Variants in RBFOX2 observed in about 807,000 individuals in gnomAD.
RBFOX2 encodes RNA binding fox-1 homolog 2.
A neutral mutation model predicts 49.1 loss-of-function variants in RBFOX2; 10 were observed. That is an observed-to-expected ratio of 0.20 (90% CI 0.13 to 0.35). RBFOX2 has a LOEUF of 0.35. RBFOX2 is among the 10% of genes least tolerant of loss of function. The probability of loss-of-function intolerance (pLI) is 1.00; values close to 1 mark genes in which losing one functional copy is unlikely to be tolerated. For missense variants in RBFOX2, 323 were observed against 486.9 expected, an observed-to-expected ratio of 0.66 and a Z score of 3.17; for synonymous variants, 183 against 187.4, an observed-to-expected ratio of 0.98 and a Z score of 0.19.
At chr22:35,981,297 C>A (rs1334313372) in intron 1 of RBFOX2, among the ~76,000 whole-genome samples, 1 of 152,134 alleles carries the variant, frequency 6.6e-6, no homozygotes, top group African/African-American at 2.4e-5. Flanking sequence ...ATTTCACAGA[C>A]AAATCACCTT....
intron 1 of RBFOX2, among the ~76,000 whole-genome samples, chr22:35,948,741 T>C (rs1456270284): frequency 2.6e-5 from 4 of 152,164 alleles, no homozygotes; most frequent in African/African-American, 9.7e-5. Flanking sequence ...AATCTATCTT[T>C]TCTAGTACTG....
chr22:35,886,135 C>T (rs182437927), intron 1 of RBFOX2, among the ~76,000 whole-genome samples: 21 of 152,130 alleles, frequency 1.4e-4, no homozygotes, highest in East Asian at 5.8e-4. Context: ...GGATTACAGG[C>T]GTGAGCCACC....
intron 1 of RBFOX2, among the ~76,000 whole-genome samples, chr22:35,857,849 T>C (rs1463491952): frequency 6.6e-6 from 1 of 152,198 alleles, no homozygotes; most frequent in Non-Finnish European, 1.5e-5. Flanking sequence ...GATAAAAAGA[T>C]TAAGCATAAT....
intron 1 of RBFOX2, among the ~76,000 whole-genome samples, chr22:35,828,999 C>T (rs1188253377): frequency 2.6e-5 from 4 of 151,998 alleles, no homozygotes; most frequent in Admixed American, 6.6e-5. Context: ...TGCAGTGAGC[C>T]GAGATCGCGC....
intron 1 of RBFOX2, among the ~76,000 whole-genome samples, chr22:35,988,859 T>C (rs186328638): frequency 5.3e-4 from 80 of 152,316 alleles, no homozygotes; most frequent in Admixed American, 1.4e-3. Context: ...ATGGTGGCAC[T>C]GGTTGCTGAG....
chr22:36,015,550 A>G (rs2059001215), intron 1 of RBFOX2, among the ~76,000 whole-genome samples: 1 of 152,226 alleles, frequency 6.6e-6, no homozygotes, highest in South Asian at 2.1e-4. Context: ...GGGAGCCACC[A>G]CAAAACATCT....
chr22:35,891,262 T>A (rs1178998163), intron 1 of RBFOX2, among the ~76,000 whole-genome samples: 4 of 152,028 alleles, frequency 2.6e-5, no homozygotes, highest in Non-Finnish European at 5.9e-5. Flanking sequence ...GCCTCCTGAG[T>A]AGCTGAGACT....
intron 1 of RBFOX2, among the ~76,000 whole-genome samples, chr22:35,845,766 G>A (rs1435952747): frequency 3.9e-5 from 6 of 152,172 alleles, no homozygotes; most frequent in Admixed American, 2.6e-4. Context: ...GGGTTGTCAA[G>A]AAGATAATAC....
At chr22:35,971,227 T>A (rs2056853638) in intron 1 of RBFOX2, among the ~76,000 whole-genome samples, 2 of 152,128 alleles carry the variant, frequency 1.3e-5, no homozygotes, top group Non-Finnish European at 1.5e-5. Context: ...TCCTACTTCC[T>A]TTAAGTTTAA....
At chr22:35,915,498 G>A (rs974265652) in intron 1 of RBFOX2, among the ~76,000 whole-genome samples, 2 of 152,176 alleles carry the variant, frequency 1.3e-5, no homozygotes, top group Non-Finnish European at 2.9e-5. Context: ...CAGAGAATCA[G>A]AGAGGCAGCC....
intron 1 of RBFOX2, among the ~76,000 whole-genome samples, chr22:35,875,611 T>C (rs1383909708): frequency 7.0e-4 from 16 of 22,938 alleles, no homozygotes; most frequent in South Asian, 2.9e-3. Context: ...CACAAGGGTG[T>C]GTGTGTGTGT....
At chr22:35,878,108 G>A (rs2045396390) in intron 1 of RBFOX2, among the ~76,000 whole-genome samples, 1 of 149,384 alleles carries the variant, frequency 6.7e-6, no homozygotes. Flanking sequence ...AAAGATACAG[G>A]GTCTCAAGCC....
intron 1 of RBFOX2, among the ~76,000 whole-genome samples, chr22:35,872,934 C>T (rs1480444906): frequency 1.3e-5 from 2 of 152,154 alleles, no homozygotes; most frequent in Non-Finnish European, 2.9e-5. Context: ...GGTCACCTTT[C>T]TCTATCCAGC....
chr22:35,757,217 T>C (rs1195473958), intron 9 of RBFOX2, among the ~76,000 whole-genome samples: 1 of 148,780 alleles, frequency 6.7e-6, no homozygotes, highest in Non-Finnish European at 1.5e-5. Flanking sequence ...AGACAATGCA[T>C]GACTTTAAAA....
chr22:35,840,299 C>G, exon 1 of RBFOX2: 1 of 1,612,688 alleles, frequency 6.2e-7, no homozygotes, highest in East Asian at 2.2e-5. Flanking sequence ...CACCCCCCTC[C>G]CCCCCCAATC....
chr22:35,926,248 G>A (rs2051622959), intron 1 of RBFOX2, among the ~76,000 whole-genome samples: 2 of 152,118 alleles, frequency 1.3e-5, no homozygotes, highest in East Asian at 3.8e-4. Context: ...AAAGACCATC[G>A]ATTGCTTGGT....
intron 2 of RBFOX2, among the ~76,000 whole-genome samples, chr22:35,782,324 A>C (rs1945316637): frequency 6.6e-6 from 1 of 152,074 alleles, no homozygotes; most frequent in Non-Finnish European, 1.5e-5. Context: ...ACAACTGAAG[A>C]AGCTTCTTTT....
At chr22:35,868,345 T>C (rs1391137898) in intron 1 of RBFOX2, among the ~76,000 whole-genome samples, 1 of 152,226 alleles carries the variant, frequency 6.6e-6, no homozygotes, top group Non-Finnish European at 1.5e-5. Flanking sequence ...TACTAATATG[T>C]AGAACCTTCA....
chr22:35,981,991 A>G (rs1426558771), intron 1 of RBFOX2, among the ~76,000 whole-genome samples: 1 of 152,190 alleles, frequency 6.6e-6, no homozygotes, highest in Non-Finnish European at 1.5e-5. Flanking sequence ...GAATGTAGGC[A>G]TAACAGCTAC....
Sources: gnomAD v4.1 joint callset for allele counts (sites outside exome capture counted in the v4.1 genomes callset) on GRCh38, gnomAD v4.1.1 for gene constraint, MANE v1.5 for transcripts, NCBI Gene and HGNC (gene_info 2026-07-23, HGNC 2026-07-21) for gene names.